KATNIP: variants seen among roughly 807,000 people sequenced by gnomAD.
KATNIP encodes katanin interacting protein, also known as katanin-interacting protein.
A neutral mutation model predicts 174.0 loss-of-function variants in KATNIP; 126 were observed. That is an observed-to-expected ratio of 0.72 (90% CI 0.63 to 0.84). The LOEUF (loss-of-function observed/expected upper bound fraction) is 0.84, where lower values mean the gene tolerates loss of function less well. KATNIP is among the 40% of genes least tolerant of loss of function. KATNIP has a pLI of 0.00. For missense variants in KATNIP, 1,958 were observed against 2,109.7 expected, an observed-to-expected ratio of 0.93 and a Z score of 1.41; for synonymous variants, 810 against 835.7, an observed-to-expected ratio of 0.97 and a Z score of 0.53.
chr16:27,628,175 C>T (rs1286026207), intron 3 of KATNIP, among the ~76,000 whole-genome samples: 3 of 152,188 alleles, frequency 2.0e-5, no homozygotes, highest in Admixed American at 6.5e-5. Context: ...CCTGGTCTGA[C>T]GAAAGCTGTT....
intron 27 of KATNIP, among the ~76,000 whole-genome samples, chr16:27,778,193 C>T (rs2082571596): frequency 6.6e-6 from 1 of 152,192 alleles, no homozygotes. Context: ...AGTGGAGCTT[C>T]CTGAATCTAA....
intron 1 of KATNIP, among the ~76,000 whole-genome samples, chr16:27,568,059 C>T (rs933398630): frequency 2.6e-5 from 4 of 152,176 alleles, no homozygotes; most frequent in South Asian, 2.1e-4. Flanking sequence ...GTTCTTTATG[C>T]AAATAGAACC....
intron 2 of KATNIP, among the ~76,000 whole-genome samples, chr16:27,595,093 A>T (rs2075295765): frequency 6.6e-6 from 1 of 152,184 alleles, no homozygotes; most frequent in African/African-American, 2.4e-5. Context: ...AGCGGATAAG[A>T]ACAGATGTGG....
At chr16:27,573,857 T>C (rs2090392620) in intron 1 of KATNIP, 44 bp from the exon 2 acceptor site, 4 of 1,601,296 alleles carry the variant, frequency 2.5e-6, no homozygotes, top group Non-Finnish European at 3.4e-6. Context: ...AACTAGCTGT[T>C]CTAAAACAGC....
chr16:27,603,018 G>T (rs1396803972), intron 2 of KATNIP, among the ~76,000 whole-genome samples: 2 of 152,208 alleles, frequency 1.3e-5, no homozygotes, highest in Admixed American at 1.3e-4. Flanking sequence ...GGCTTTTCAA[G>T]GATAGTTTGG....
intron 16 of KATNIP, 110 bp downstream of exon 16, chr16:27,750,416 T>TTTA: frequency 4.6e-6 from 5 of 1,095,158 alleles, no homozygotes; most frequent in South Asian, 1.6e-5. Context: ...GTCCTTTCTC[T>TTTA]TTCTTTTTTT....
chr16:27,633,273 C>G (rs2076542563), intron 5 of KATNIP, among the ~76,000 whole-genome samples: 1 of 151,904 alleles, frequency 6.6e-6, no homozygotes, highest in Admixed American at 6.6e-5. Context: ...TTTAAATGGC[C>G]TAGGGAGGTT....
intron 20 of KATNIP, among the ~76,000 whole-genome samples, chr16:27,766,710 G>A (rs1001190191): frequency 2.0e-5 from 3 of 152,214 alleles, no homozygotes; most frequent in African/African-American, 7.2e-5. Context: ...TCCTGGTGCT[G>A]GGGGGTCCTA....
At chr16:27,550,262 T>A (rs2089288409) in intron 1 of KATNIP, 85 bp downstream of exon 1, 4 of 1,475,806 alleles carry the variant, frequency 2.7e-6, no homozygotes, top group Non-Finnish European at 3.7e-6. Context: ...TCCTAGGCCA[T>A]GAACCCCTGG....
intron 2 of KATNIP, among the ~76,000 whole-genome samples, chr16:27,594,961 G>A (rs2075291605): frequency 1.3e-5 from 2 of 152,212 alleles, no homozygotes; most frequent in African/African-American, 4.8e-5. Context: ...AAAAAGAGGA[G>A]TCCAGAGGAG....
rs545253409 is a variant in KATNIP at position 27,637,286 on chromosome 16, G to T, written c.408+6124G>T. On this transcript the variant is annotated intron_variant, in intron 5 of 27. Coordinates refer to ENST00000261588, the MANE Select transcript of KATNIP (RefSeq NM_015202.5). This position sits in a 1 kb window ranked among gnomAD's most constrained non-coding sequence, Gnocchi z 4.7. ...ACTCATACTTTACTTCTTTCATTCCGTGCTCATGTATTGAGCACATACTCA... is the reference window on the plus strand; with the variant it reads ...ACTCATACTTTACTTCTTTCATTCCTTGCTCATGTATTGAGCACATACTCA... Among the ~76,000 whole-genome samples, 1 of 152,234 alleles carries T rather than the reference G, an allele frequency of 6.6e-6. No individual in the cohort carries two copies. The highest frequency in any genetic ancestry group is 1.9e-4 in the East Asian group (1 of 5,176).
chr16:27,619,918 A>G (rs1013852523), intron 3 of KATNIP, among the ~76,000 whole-genome samples: 7 of 152,314 alleles, frequency 4.6e-5, no homozygotes, highest in African/African-American at 1.7e-4. Context: ...TTCCATCATC[A>G]TTAATGCCAC....
chr16:27,587,135 A>G (rs2090934371), intron 2 of KATNIP, among the ~76,000 whole-genome samples: 1 of 152,136 alleles, frequency 6.6e-6, no homozygotes, highest in Admixed American at 6.6e-5. Context: ...TCTGCGCGTC[A>G]GTTTCCTCAG....
rs10635648 is a variant in KATNIP, at chr16:27,598,243, CA to C, written c.64-20169del. Among the ~76,000 whole-genome samples, 42 of 142,616 alleles carry C rather than the reference CA, an allele frequency of 2.9e-4. 1 individual carries two copies. Among genetic ancestry groups the C allele is most frequent in the Admixed American group, 7.0e-4 (10 of 14,286 alleles). The allele number at this position is 142,616 out of a possible 152,430, so 93.6% of individuals were successfully genotyped here. Reference sequence around the variant, plus strand: ...TGGGCGACAGAGCAAGACTCCATCTCAAAAAAAAAAAAAGAATGTGCATTTG... The same window carrying C: ...TGGGCGACAGAGCAAGACTCCATCTCAAAAAAAAAAAAGAATGTGCATTTG... On this transcript the variant is annotated intron_variant, in intron 2 of 27. Coordinates refer to ENST00000261588, the MANE Select transcript of KATNIP (RefSeq NM_015202.5).
Position 27,749,968 on chromosome 16 carries a change from G to A in KATNIP, c.3008G>A (p.Gly1003Asp). Residue 1003 changes from glycine to aspartate, a missense_variant, in exon 16 of 28, where the codon GGT becomes GAT. Around this residue, in one of 3 missense-constraint regions of KATNIP, gnomAD observed 1,557 missense variants for 1,617.8 expected, o/e 0.96. Coordinates refer to ENST00000261588, the MANE Select transcript of KATNIP (RefSeq NM_015202.5). ...GGAATAGAAATATTCAGTTCCAAGG[G>A]TGAACCGGTGCAGATTTCAAACATA... is the stretch of plus-strand genomic sequence containing the variant. ...LNGIEIFSSK[G>D]EPVQISNIKA... 1 of 1,614,204 alleles carries A rather than the reference G, an allele frequency of 6.2e-7. No individual in the cohort carries two copies. The highest frequency in any genetic ancestry group is 1.3e-5 in the African/African-American group (1 of 75,056).
chr16:27,690,205 C>T (rs2078666591), intron 8 of KATNIP, among the ~76,000 whole-genome samples: 1 of 151,936 alleles, frequency 6.6e-6, no homozygotes. Flanking sequence ...GTCCCAGCTA[C>T]ACAGGAGGCT....
chr16:27,571,659 A>G (rs535817803), intron 1 of KATNIP, among the ~76,000 whole-genome samples: 1 of 151,674 alleles, frequency 6.6e-6, no homozygotes, highest in East Asian at 1.9e-4. Flanking sequence ...GGGGCCCTGC[A>G]GGGCCCTGCT....
intron 13 of KATNIP, among the ~76,000 whole-genome samples, chr16:27,716,084 T>C (rs2079925225): frequency 6.6e-6 from 1 of 152,098 alleles, no homozygotes; most frequent in South Asian, 2.1e-4. Context: ...AAAGAAAATG[T>C]AGTATTTCCA....
intron 19 of KATNIP, 50 bp from the exon 20 acceptor site, chr16:27,766,259 T>A: frequency 3.1e-6 from 5 of 1,600,400 alleles, no homozygotes; most frequent in Non-Finnish European, 4.3e-6. Flanking sequence ...CTGTGATGCC[T>A]CCTGTGCCCA....
Sources: gnomAD v4.1 joint callset for allele counts (sites outside exome capture counted in the v4.1 genomes callset) on GRCh38, gnomAD v4.1.1 for gene constraint, gnomAD v4.1.1 regional missense constraint, Gnocchi (gnomAD v3.1) non-coding constraint, MANE v1.5 for transcripts, NCBI Gene and HGNC (gene_info 2026-07-23, HGNC 2026-07-21) for gene names.